SPAG9: variants seen among roughly 807,000 people sequenced by gnomAD.
The protein encoded by SPAG9 is sperm associated antigen 9.
In SPAG9, 35 loss-of-function variants were observed where a neutral mutation model predicts 166.5. The ratio of observed to expected loss-of-function variants is 0.21; its 90% CI spans 0.16 to 0.28. The LOEUF is 0.28. Ranked by LOEUF, SPAG9 falls within the 10% of genes least tolerant of loss-of-function variation. The probability of loss-of-function intolerance (pLI) is 1.00; values close to 1 mark genes in which losing one functional copy is unlikely to be tolerated. For synonymous variants in SPAG9, 534 were observed against 565.5 expected (o/e 0.94, Z 0.79); for missense variants, 1,235 against 1,603.3 (o/e 0.77, Z 3.92).
At chr17:50,989,624 CT>C in intron 21 of SPAG9, 52 bp downstream of exon 21, 2 of 1,450,468 alleles carry the variant, frequency 1.4e-6, no homozygotes, top group Admixed American at 1.8e-5. Flanking sequence ...ATTTTGGTTC[CT>C]TTTATTTGTG....
intron 1 of SPAG9, among the ~76,000 whole-genome samples, chr17:51,097,070 G>C (rs1248082855): frequency 2.0e-5 from 3 of 152,306 alleles, no homozygotes. Flanking sequence ...GATCACCAAT[G>C]ACCAATGGTT....
chr17:51,053,930 T>C (rs1215047515), intron 3 of SPAG9, among the ~76,000 whole-genome samples: 5 of 131,942 alleles, frequency 3.8e-5, no homozygotes, highest in Admixed American at 2.4e-4. Flanking sequence ...TTATCAGCTT[T>C]AATAAGTACT....
At chr17:51,066,559 A>AACAAAAAG (rs2047672732) in intron 2 of SPAG9, among the ~76,000 whole-genome samples, 2 of 97,244 alleles carry the variant, frequency 2.1e-5, no homozygotes, top group African/African-American at 3.3e-5. Flanking sequence ...TGTCTCAAAA[A>AACAAAAAG]AAAAAAAGAA....
intron 26 of SPAG9, among the ~76,000 whole-genome samples, chr17:50,977,623 C>G (rs1434959657): frequency 6.6e-6 from 1 of 152,176 alleles, no homozygotes; most frequent in Admixed American, 6.5e-5. Context: ...GTGAAACTGG[C>G]AGGGCACGGT....
At chr17:51,093,109 T>G (rs924750632) in intron 1 of SPAG9, among the ~76,000 whole-genome samples, 8 of 148,858 alleles carry the variant, frequency 5.4e-5, no homozygotes, top group Admixed American at 2.0e-4. Flanking sequence ...GCATAGTGGC[T>G]CATGCTTGTA....
At position 50,993,789 on chromosome 17, in the gene SPAG9, A is replaced by G; in HGVS notation, c.2373T>C (p.His791=). 3 of 1,614,172 alleles carry G rather than the reference A, an allele frequency of 1.9e-6. No homozygotes were observed. The highest frequency in any genetic ancestry group is 2.5e-6 in the Non-Finnish European group (3 of 1,180,012). The part of the protein sequence containing the change: ...ILDSFTVCNS[H]VLCIASVPGA... Reference sequence around the variant, plus strand: ...CTGGCACACTTGCAATGCACAGAACATGAGAGTTGCAAACAGTGAAACTGT... The same window carrying G: ...CTGGCACACTTGCAATGCACAGAACGTGAGAGTTGCAAACAGTGAAACTGT... Residue 791 remains histidine, a synonymous_variant, in exon 19 of 30, where the codon CAT becomes CAC. Coordinates refer to ENST00000262013, the MANE Select transcript of SPAG9 (RefSeq NM_001130528.3).
At chr17:51,091,420 G>A (rs1031885792) in intron 1 of SPAG9, among the ~76,000 whole-genome samples, 5 of 152,058 alleles carry the variant, frequency 3.3e-5, no homozygotes, top group South Asian at 2.1e-4. Context: ...GAATAACCAC[G>A]ATAGGGTTAG....
Position 51,120,694 on chromosome 17 carries a change from CG to C in SPAG9, c.-39del. 1 of 1,523,812 alleles carries C rather than the reference CG, an allele frequency of 6.6e-7. No individual in the cohort carries two copies. 94.4% of individuals were successfully genotyped at this position (1,523,812 alleles called of 1,614,324 possible). ...ACGGGCGGGCGGCCCGGGGCGTCGC[CG>C]GCAGAGGGGCGGCACCTGCCCGCAC... is the stretch of plus-strand genomic sequence containing the variant. On this transcript the variant is annotated 5_prime_UTR_variant, in exon 1 of 30. Coordinates refer to ENST00000262013, the MANE Select transcript of SPAG9 (RefSeq NM_001130528.3). The surrounding 1 kb of genome is among the most constrained non-coding windows in gnomAD (Gnocchi z 4.7).
At chr17:51,109,137 C>T (rs2049033606) in intron 1 of SPAG9, among the ~76,000 whole-genome samples, 1 of 151,936 alleles carries the variant, frequency 6.6e-6, no homozygotes, top group Non-Finnish European at 1.5e-5. Context: ...GCTAAGATTA[C>T]AGGCATGAGC....
chr17:51,039,362 G>T (rs1375211942), intron 5 of SPAG9, among the ~76,000 whole-genome samples: 1 of 151,992 alleles, frequency 6.6e-6, no homozygotes, highest in East Asian at 1.9e-4. Context: ...TTCCAGCCCT[G>T]GTAAAGTAGA....
chr17:51,064,546 T>C (rs1287953638), intron 2 of SPAG9, among the ~76,000 whole-genome samples: 1 of 152,210 alleles, frequency 6.6e-6, no homozygotes, highest in African/African-American at 2.4e-5. Flanking sequence ...TGACACATGC[T>C]ACAACATGAA....
intron 1 of SPAG9, among the ~76,000 whole-genome samples, chr17:51,081,450 C>CAAAAAAA (rs1228056183): frequency 5.3e-5 from 8 of 150,478 alleles, no homozygotes; most frequent in Non-Finnish European, 1.0e-4. Flanking sequence ...GACCCCCTCT[C>CAAAAAAA]AAAAAAAAGC....
chr17:51,078,680 G>A (rs1439228795), intron 2 of SPAG9, among the ~76,000 whole-genome samples: 1 of 149,402 alleles, frequency 6.7e-6, no homozygotes, highest in African/African-American at 2.5e-5. Flanking sequence ...AATCATCCTT[G>A]AGGTTTGAAA....
intron 4 of SPAG9, chr17:51,046,523 C>CGTCAGA: frequency 6.5e-7 from 1 of 1,536,022 alleles, no homozygotes; most frequent in Non-Finnish European, 8.7e-7. Flanking sequence ...GTAGGTTCTG[C>CGTCAGA]GTCAGAGCTG....
rs372347427 is a variant in SPAG9 at position 51,003,517 on chromosome 17, A to G, written c.1477-1672T>C. The stretch of plus-strand genomic sequence containing the variant: ...CTAGTTACCAAGGTACTCAACTATA[A>G]GAGTCGCTAAAATACCAACATAAAT... On this transcript the variant is annotated intron_variant, in intron 12 of 29. Transcript: ENST00000262013. Among the ~76,000 whole-genome samples the G allele has an allele frequency of 4.2e-4, 64 of 152,340 alleles. 2 individuals are homozygous for G. The South Asian group carries it at 0.012, about 29-fold the overall frequency.
intron 10 of SPAG9, 138 bp from the exon 11 acceptor site, chr17:51,006,375 G>T: frequency 1.3e-6 from 1 of 769,928 alleles, no homozygotes; most frequent in Non-Finnish European, 2.0e-6. Context: ...AATGTTGTTT[G>T]TAGATAAATG....
At chr17:50,986,152 C>T (rs1391150221) in intron 22 of SPAG9, among the ~76,000 whole-genome samples, 2 of 152,234 alleles carry the variant, frequency 1.3e-5, no homozygotes, top group African/African-American at 4.8e-5. Context: ...AAACTATGGC[C>T]TACAGGCCAG....
chr17:51,031,680 C>T lies in SPAG9; in HGVS notation c.783+1G>A. 1 of 1,550,430 alleles carries T rather than the reference C, an allele frequency of 6.4e-7. No individual in the cohort carries two copies. Among genetic ancestry groups the T allele is most frequent in the Non-Finnish European group, 8.7e-7 (1 of 1,145,968 alleles). ...AAAATGTTAAGAAGCACCATTCTCA[C>T]CTCCTGTTCTACAGCCTTCTGAGGT... is the stretch of plus-strand genomic sequence containing the variant. On this transcript the variant is annotated splice_donor_variant, in intron 6 of 29. Coordinates refer to ENST00000262013, the MANE Select transcript of SPAG9 (RefSeq NM_001130528.3). LOFTEE classifies it high-confidence loss of function.
chr17:50,966,156 G>A lies in SPAG9; in HGVS notation c.*116C>T. ...TAATATAAAGTTAACAGGAAAAAAT[G>A]CTCACACATTATGTGGTGAAACTTA... On this transcript the variant is annotated 3_prime_UTR_variant, in exon 30 of 30. Transcript: ENST00000262013. 4.1e-6 allele frequency: 3 copies of A among 724,770 alleles called. No homozygotes were observed. The highest frequency in any genetic ancestry group is 7.4e-6 in the Non-Finnish European group (3 of 403,254). 44.9% of individuals were successfully genotyped at this position (724,770 alleles called of 1,614,324 possible).
Sources: gnomAD v4.1 joint callset for allele counts (sites outside exome capture counted in the v4.1 genomes callset) on GRCh38, gnomAD v4.1.1 for gene constraint, Gnocchi (gnomAD v3.1) non-coding constraint, MANE v1.5 for transcripts, NCBI Gene and HGNC (gene_info 2026-07-23, HGNC 2026-07-21) for gene names.